HIVEP1: variants seen among roughly 807,000 people sequenced by gnomAD.
The protein encoded by HIVEP1 is HIVEP zinc finger 1.
A neutral mutation model predicts 180.0 loss-of-function variants in HIVEP1; 36 were observed. That is an observed-to-expected ratio of 0.20 (90% confidence interval 0.15 to 0.26). HIVEP1 has a LOEUF of 0.26. Ranked by LOEUF, HIVEP1 falls within the 10% of genes least tolerant of loss-of-function variation. The probability of loss-of-function intolerance (pLI) is 1.00; values close to 1 mark genes in which losing one functional copy is unlikely to be tolerated. For synonymous variants in HIVEP1, 1,239 were observed against 1,239.0 expected (o/e 1.00, Z 0.00); for missense variants, 3,143 against 3,268.7 (o/e 0.96, Z 0.94).
chr6:12,119,903 TG>T lies in HIVEP1; in HGVS notation c.110del (p.Gly37ValfsTer12). 1.9e-6 allele frequency: 3 copies of T among 1,559,516 alleles called. No individual in the cohort carries two copies. The highest frequency in any genetic ancestry group is 2.6e-6 in the Non-Finnish European group (3 of 1,158,772). Reference protein sequence around the residue: ...EVSKKEILQAGVKGTSESLKG... With the variant: ...EVSKKEILQAXVKGTSESLKG... ...TGTTTTTTCCAGAAATCTTACAGGCTGGTGTTAAAGGAACTTCGGAATCCCT... is the reference window on the plus strand; with the variant it reads ...TGTTTTTTCCAGAAATCTTACAGGCTGTGTTAAAGGAACTTCGGAATCCCT... On this transcript the variant is annotated frameshift_variant, in exon 4 of 9. Coordinates refer to ENST00000379388, the MANE Select transcript of HIVEP1 (RefSeq NM_002114.4). LOFTEE classifies it high-confidence loss of function.
chr6:12,155,102 A>G (rs919568993), intron 7 of HIVEP1, among the ~76,000 whole-genome samples: 3 of 152,280 alleles, frequency 2.0e-5, no homozygotes, highest in African/African-American at 7.2e-5. Context: ...TTCTAATGAA[A>G]GTTTTGAATA....
chr6:12,011,270 T>TGCCCCCCCCCCCCC, upstream of HIVEP1, among the ~76,000 whole-genome samples: 2 of 71,630 alleles, frequency 2.8e-5, no homozygotes, highest in East Asian at 3.8e-4. Flanking sequence ...CCCCTTGGGG[T>TGCCCCCCCCCCCCC]CCCCCCCCCC....
chr6:12,155,114 G>A (rs1189569726), intron 7 of HIVEP1, among the ~76,000 whole-genome samples: 4 of 151,996 alleles, frequency 2.6e-5, no homozygotes, highest in African/African-American at 7.3e-5. Context: ...TTTTGAATAC[G>A]ATAAATTTCC....
At chr6:12,197,518 A>T in the HIVEP1 span, among the ~76,000 whole-genome samples, 3 of 147,152 alleles carry the variant, frequency 2.0e-5, no homozygotes, top group African/African-American at 7.5e-5. Context: ...GAGCCACTGC[A>T]CTCCAGCCTG....
At position 12,119,930 on chromosome 6, in the gene HIVEP1, T is replaced by C. The variant is rs374660730; in HGVS notation, c.135T>C (p.Leu45=). 1 of 1,593,696 alleles carries C rather than the reference T, an allele frequency of 6.3e-7. No individual in the cohort carries two copies. ...GTGTTAAAGGAACTTCGGAATCCCT[T>C]AAAGGTGTGAAACGCAAAAAGATCG... is the stretch of plus-strand genomic sequence containing the variant. ...QAGVKGTSES[L]KGVKRKKIVA... is the part of the protein sequence containing the mutation. The change falls in exon 4 of 9, where the codon CTT becomes CTC. Residue 45 remains leucine (L), a synonymous_variant. Coordinates refer to ENST00000379388, the MANE Select transcript of HIVEP1 (RefSeq NM_002114.4).
At chr6:12,068,693 G>A (rs1371298387) in intron 2 of HIVEP1, among the ~76,000 whole-genome samples, 1 of 152,148 alleles carries the variant, frequency 6.6e-6, no homozygotes, top group Non-Finnish European at 1.5e-5. Context: ...AAGCATATAA[G>A]CAAGCAGGCA....
At chr6:12,026,839 G>C (rs926962365) in intron 2 of HIVEP1, among the ~76,000 whole-genome samples, 1 of 152,208 alleles carries the variant, frequency 6.6e-6, no homozygotes, top group Non-Finnish European at 1.5e-5. Context: ...ACCAGCAAAA[G>C]AGTAATATGG....
the HIVEP1 span, among the ~76,000 whole-genome samples, chr6:12,178,529 G>C: frequency 2.6e-5 from 4 of 152,064 alleles, no homozygotes; most frequent in African/African-American, 9.7e-5. Flanking sequence ...AAAAATGAGA[G>C]GAATGCAAAT....
chr6:12,077,852 A>T (rs773823114), intron 2 of HIVEP1, among the ~76,000 whole-genome samples: 1 of 151,978 alleles, frequency 6.6e-6, no homozygotes, highest in Non-Finnish European at 1.5e-5. Context: ...CTTTTCTGCT[A>T]CTCCCACATT....
chr6:12,184,022 T>TAGACAGACAGAC, the HIVEP1 span, among the ~76,000 whole-genome samples: 217 of 101,966 alleles, frequency 2.1e-3, 1 homozygote, highest in Middle Eastern at 4.5e-3. Flanking sequence ...GATAGATAGA[T>TAGACAGACAGAC]AGACAGACAG....
At chr6:12,040,343 G>A (rs958270719) in intron 2 of HIVEP1, among the ~76,000 whole-genome samples, 1 of 152,166 alleles carries the variant, frequency 6.6e-6, no homozygotes, top group African/African-American at 2.4e-5. Context: ...TTTTCTCTAA[G>A]AGTTTAGTCC....
the HIVEP1 span, among the ~76,000 whole-genome samples, chr6:12,171,303 T>A: frequency 6.6e-6 from 1 of 152,292 alleles, no homozygotes; most frequent in Admixed American, 6.5e-5. Context: ...TCCTACTGCC[T>A]CAGCCTCCCA....
At position 12,130,894 on chromosome 6, in the gene HIVEP1, G is replaced by A. The variant is rs747137813; in HGVS notation, c.6337G>A (p.Val2113Ile). ...GAAACACATACGAACCCATACAGATGTCCGCCCCTACCACTGCACTTACTG... is the reference window on the plus strand; with the variant it reads ...GAAACACATACGAACCCATACAGATATCCGCCCCTACCACTGCACTTACTG... ...LKKHIRTHTDVRPYHCTYCNF... is the reference protein window; with the variant it reads ...LKKHIRTHTDIRPYHCTYCNF... Residue 2113 changes from valine (V) to isoleucine (I), a missense_variant, in exon 6 of 9, where the codon GTC becomes ATC. Physicochemically the swap from Val to Ile is conservative, Grantham distance 29 (BLOSUM62 3). Coordinates refer to ENST00000379388, the MANE Select transcript of HIVEP1 (RefSeq NM_002114.4). 3 of 1,612,852 alleles carry A rather than the reference G, an allele frequency of 1.9e-6. No individual in the cohort carries two copies. The highest frequency in any genetic ancestry group is 3.3e-5 in the Admixed American group (2 of 60,014).
intron 3 of HIVEP1, among the ~76,000 whole-genome samples, chr6:12,100,196 G>C (rs1206558722): frequency 6.6e-6 from 1 of 152,192 alleles, no homozygotes; most frequent in Non-Finnish European, 1.5e-5. Context: ...TCTGGTAATA[G>C]ACAGTATTGC....
intron 2 of HIVEP1, among the ~76,000 whole-genome samples, chr6:12,069,559 C>T (rs1367581077): frequency 8.5e-6 from 1 of 118,164 alleles, no homozygotes; most frequent in Admixed American, 1.2e-4. Flanking sequence ...ACATCACACT[C>T]TGGGGACTGT....
intron 3 of HIVEP1, among the ~76,000 whole-genome samples, chr6:12,108,900 G>C (rs1405617873): frequency 3.9e-5 from 6 of 152,252 alleles, no homozygotes; most frequent in South Asian, 2.1e-4. Context: ...AGGCAGAGGA[G>C]GCGCCGAGAG....
intron 2 of HIVEP1, among the ~76,000 whole-genome samples, chr6:12,046,360 A>G (rs1770113028): frequency 6.6e-6 from 1 of 152,156 alleles, no homozygotes; most frequent in Non-Finnish European, 1.5e-5. Context: ...ACCCTGCAAA[A>G]AAAGTCTTGT....
intron 2 of HIVEP1, among the ~76,000 whole-genome samples, chr6:12,022,256 C>T (rs950099981): frequency 7.2e-5 from 11 of 152,014 alleles, no homozygotes; most frequent in Admixed American, 2.6e-4. Context: ...CTGCAACCTC[C>T]ACTCTCCAGG....
intron 2 of HIVEP1, among the ~76,000 whole-genome samples, chr6:12,058,559 A>G (rs1771019680): frequency 1.3e-5 from 2 of 152,240 alleles, no homozygotes; most frequent in Non-Finnish European, 2.9e-5. Context: ...TGAATAAAAT[A>G]TGGCTGTTGC....
Sources: gnomAD v4.1 joint callset for allele counts (sites outside exome capture counted in the v4.1 genomes callset) on GRCh38, gnomAD v4.1.1 for gene constraint, MANE v1.5 for transcripts, NCBI Gene and HGNC (gene_info 2026-07-23, HGNC 2026-07-21) for gene names.